NFIL3: variants seen among roughly 807,000 people sequenced by gnomAD.
The protein encoded by NFIL3 is nuclear factor, interleukin 3 regulated, also known as nuclear factor interleukin-3-regulated protein.
Under a neutral mutation model 10.0 loss-of-function variants are expected in NFIL3, and 5 were observed. The ratio of observed to expected loss-of-function variants is 0.50; its 90% CI spans 0.26 to 1.06. The LOEUF (loss-of-function observed/expected upper bound fraction) is 1.06. NFIL3 is among the 50% of genes least tolerant of loss of function. The pLI is 0.13. For missense variants in NFIL3, 436 were observed against 547.6 expected (o/e 0.80, Z 2.03); for synonymous variants, 202 against 206.5 (o/e 0.98, Z 0.19).
chr9:91,461,765 C>T, the NFIL3 span, among the ~76,000 whole-genome samples: 2 of 152,106 alleles, frequency 1.3e-5, no homozygotes, highest in African/African-American at 2.4e-5. Flanking sequence ...TTAGGGCCCA[C>T]ACAGATAACC....
At chr9:91,462,975 G>A in the NFIL3 span, among the ~76,000 whole-genome samples, 1 of 149,470 alleles carries the variant, frequency 6.7e-6, no homozygotes, top group Non-Finnish European at 1.5e-5. Flanking sequence ...TAAATCTGTG[G>A]CCACAGAATT....
At chr9:91,413,398 G>A (rs751621245) in intron 1 of NFIL3, among the ~76,000 whole-genome samples, 1 of 152,028 alleles carries the variant, frequency 6.6e-6, no homozygotes, top group African/African-American at 2.4e-5. Context: ...ACAGTTACGC[G>A]CCACCACGCC....
At chr9:91,440,468 A>T in the NFIL3 span, among the ~76,000 whole-genome samples, 1 of 151,344 alleles carries the variant, frequency 6.6e-6, no homozygotes. Context: ...AGTTTTACCA[A>T]TTTTTTTCTA....
chr9:91,423,395 G>T (rs1048630852), intron 1 of NFIL3, among the ~76,000 whole-genome samples: 1 of 152,080 alleles, frequency 6.6e-6, no homozygotes, highest in Admixed American at 6.5e-5. Flanking sequence ...AACCAGCCAG[G>T]ACTACGTGCC....
At chr9:91,459,199 T>C in the NFIL3 span, among the ~76,000 whole-genome samples, 1 of 152,134 alleles carries the variant, frequency 6.6e-6, no homozygotes, top group Non-Finnish European at 1.5e-5. Flanking sequence ...GTGTATCTTA[T>C]CTGTGCAGCT....
the NFIL3 span, among the ~76,000 whole-genome samples, chr9:91,469,033 T>C: frequency 6.6e-6 from 1 of 152,204 alleles, no homozygotes; most frequent in Non-Finnish European, 1.5e-5. Flanking sequence ...TTTGGTTCCA[T>C]ATGAACTTTA....
the NFIL3 span, among the ~76,000 whole-genome samples, chr9:91,478,184 G>A: frequency 4.6e-5 from 7 of 152,082 alleles, no homozygotes; most frequent in African/African-American, 1.7e-4. Flanking sequence ...TCCTGAATCT[G>A]AATGTTGGCC....
chr9:91,454,210 GGAGACAGAGTGA>G, the NFIL3 span, among the ~76,000 whole-genome samples: 1 of 150,114 alleles, frequency 6.7e-6, no homozygotes, highest in African/African-American at 2.5e-5. Flanking sequence ...CTCCAGTCTG[GGAGACAGAGTGA>G]GACTCTGTCT....
the NFIL3 span, among the ~76,000 whole-genome samples, chr9:91,471,316 C>G: frequency 1.3e-5 from 2 of 151,196 alleles, no homozygotes; most frequent in African/African-American, 4.9e-5. Context: ...TCTGTTTTAT[C>G]AGAGACTAGG....
the NFIL3 span, among the ~76,000 whole-genome samples, chr9:91,468,069 G>A: frequency 9.3e-3 from 1,423 of 152,290 alleles, 17 homozygotes; most frequent in African/African-American, 0.032. Flanking sequence ...GGATGGCTGG[G>A]TCAAATGGTA....
the NFIL3 span, among the ~76,000 whole-genome samples, chr9:91,473,340 G>A: frequency 2.0e-5 from 3 of 152,188 alleles, no homozygotes; most frequent in Admixed American, 6.5e-5. Context: ...GGCAGTCCTC[G>A]TTGAGCTGTG....
At chr9:91,483,225 C>T in the NFIL3 span, among the ~76,000 whole-genome samples, 1 of 152,174 alleles carries the variant, frequency 6.6e-6, no homozygotes, top group Non-Finnish European at 1.5e-5. Flanking sequence ...CCTTCTGTCC[C>T]TCCCGTCCTA....
chr9:91,480,429 G>A, the NFIL3 span, among the ~76,000 whole-genome samples: 1 of 152,130 alleles, frequency 6.6e-6, no homozygotes, highest in African/African-American at 2.4e-5. Flanking sequence ...TAGCATTCAA[G>A]TGCAGGGAAA....
At chr9:91,444,811 T>G in the NFIL3 span, among the ~76,000 whole-genome samples, 1 of 152,304 alleles carries the variant, frequency 6.6e-6, no homozygotes, top group South Asian at 2.1e-4. Flanking sequence ...GCTTTAGAGA[T>G]TCTCCTGTAC....
At chr9:91,412,857 A>C (rs1833581124) in intron 1 of NFIL3, among the ~76,000 whole-genome samples, 1 of 151,880 alleles carries the variant, frequency 6.6e-6, no homozygotes, top group Non-Finnish European at 1.5e-5. Context: ...CGTCTCAAAA[A>C]AAAAAAAAAA....
the NFIL3 span, among the ~76,000 whole-genome samples, chr9:91,466,504 G>T: frequency 6.6e-6 from 1 of 152,170 alleles, no homozygotes; most frequent in Non-Finnish European, 1.5e-5. Context: ...TAATGTCTTT[G>T]TTTTCTTCCC....
the NFIL3 span, among the ~76,000 whole-genome samples, chr9:91,479,603 G>A: frequency 6.6e-6 from 1 of 152,194 alleles, no homozygotes; most frequent in Non-Finnish European, 1.5e-5. Context: ...GGGATCCACT[G>A]AGCAAGACCC....
the NFIL3 span, among the ~76,000 whole-genome samples, chr9:91,460,961 A>T: frequency 6.6e-6 from 1 of 152,236 alleles, no homozygotes; most frequent in African/African-American, 2.4e-5. Context: ...CTACATTGCC[A>T]TCTAGTTCCT....
chr9:91,461,728 G>A, the NFIL3 span, among the ~76,000 whole-genome samples: 1 of 152,060 alleles, frequency 6.6e-6, no homozygotes. Flanking sequence ...CTGCTTTTCT[G>A]TTATTATTAG....
Sources: allele counts gnomAD v4.1 joint callset (sites outside exome capture counted in the v4.1 genomes callset), GRCh38; gene constraint gnomAD v4.1.1; transcripts MANE v1.5; gene names NCBI Gene and HGNC (gene_info 2026-07-23, HGNC 2026-07-21).